Variants in EHBP1 observed in about 807,000 individuals in gnomAD.
The protein encoded by EHBP1 is EH domain binding protein 1.
In EHBP1, 55 loss-of-function variants were observed where a neutral mutation model predicts 144.0. That is an observed-to-expected ratio of 0.38 (90% CI 0.31 to 0.48). EHBP1 has a LOEUF of 0.48. Ranked by LOEUF, EHBP1 falls within the 20% of genes least tolerant of loss-of-function variation. The pLI is 0.98. For missense variants in EHBP1, 1,200 were observed against 1,364.2 expected (o/e 0.88, Z 1.90); for synonymous variants, 469 against 472.7 (o/e 0.99, Z 0.10).
intron 10 of EHBP1, among the ~76,000 whole-genome samples, chr2:62,890,848 A>C (rs867528607): frequency 9.9e-5 from 15 of 152,242 alleles, no homozygotes; most frequent in African/African-American, 3.4e-4. Context: ...GTCTGCCTAT[A>C]GTGTAATTAA....
intron 5 of EHBP1, among the ~76,000 whole-genome samples, chr2:62,811,357 G>C (rs1439169579): frequency 6.6e-6 from 1 of 152,226 alleles, no homozygotes; most frequent in Non-Finnish European, 1.5e-5. Context: ...ATGAAGCAGA[G>C]ATGTTTTCAG....
chr2:62,795,352 A>G (rs1016927922), intron 5 of EHBP1, among the ~76,000 whole-genome samples: 1 of 152,040 alleles, frequency 6.6e-6, no homozygotes, highest in African/African-American at 2.4e-5. Flanking sequence ...TAATAATATG[A>G]TTGTACTATA....
At chr2:62,889,504 T>C (rs2052257356) in intron 10 of EHBP1, among the ~76,000 whole-genome samples, 1 of 152,176 alleles carries the variant, frequency 6.6e-6, no homozygotes, top group Non-Finnish European at 1.5e-5. Context: ...ATTGCCTAGG[T>C]TCTTTTCCAG....
At chr2:62,719,162 T>A (rs1024888319) in intron 2 of EHBP1, among the ~76,000 whole-genome samples, 1 of 152,056 alleles carries the variant, frequency 6.6e-6, no homozygotes, top group Non-Finnish European at 1.5e-5. Context: ...AGGCAAAGTT[T>A]TGCCATGTTG....
At chr2:62,838,971 A>T (rs1200271452) in intron 7 of EHBP1, among the ~76,000 whole-genome samples, 165 of 141,738 alleles carry the variant, frequency 1.2e-3, no homozygotes, top group Middle Eastern at 0.01. Flanking sequence ...AAAAGAGGGA[A>T]TCCTCCCTAA....
At chr2:62,899,466 G>A (rs976779495) in intron 10 of EHBP1, among the ~76,000 whole-genome samples, 6 of 152,130 alleles carry the variant, frequency 3.9e-5, no homozygotes, top group Admixed American at 6.5e-5. Flanking sequence ...ATTCAGTTTT[G>A]CAGTTTATAG....
rs191814948 is a variant in EHBP1, at chr2:62,924,626, G to T, written c.1186-18092G>T. ...CCTAGAGGAAATGGATAAATTCCTG[G>T]ACACATATCTACCAAGATCAAACCA... On this transcript the variant is annotated intron_variant, in intron 10 of 22. Transcript: ENST00000431489. Among the ~76,000 whole-genome samples the T allele has an allele frequency of 3.3e-5, 5 of 152,212 alleles. No individual in the cohort carries two copies. The East Asian group carries it at 9.6e-4, about 29-fold the overall frequency.
rs544316289 is a variant in EHBP1, at chr2:62,942,958, A to G, written c.1364+62A>G. 3.4e-5 allele frequency: 42 copies of G among 1,245,408 alleles called. No homozygotes were observed. In the African/African-American group the frequency reaches 4.4e-4, roughly 13 times the overall value. The allele number at this position is 1,245,408 out of a possible 1,614,324, so 77.1% of individuals were successfully genotyped here. A position where few individuals can be genotyped will look rare whatever the true frequency, so the allele number is the denominator to read the frequency against. ...AGTGATAGACATTTTTGAAAAGAAC[A>G]TAAAATAATTTCTTAGCACATCCTG... is the stretch of plus-strand genomic sequence containing the variant. On this transcript the variant is annotated intron_variant, in intron 11 of 22. Transcript: ENST00000431489.
intron 10 of EHBP1, among the ~76,000 whole-genome samples, chr2:62,923,739 C>A (rs1456502730): frequency 6.6e-6 from 1 of 152,188 alleles, no homozygotes; most frequent in Non-Finnish European, 1.5e-5. Flanking sequence ...AAGAAACACT[C>A]CGAGGCCTAA....
intron 10 of EHBP1, among the ~76,000 whole-genome samples, chr2:62,891,257 A>C: frequency 6.6e-6 from 1 of 152,268 alleles, no homozygotes; most frequent in African/African-American, 2.4e-5. Flanking sequence ...CTGTAAATTC[A>C]CTGAAAAGTT....
At position 62,931,392 on chromosome 2, in the gene EHBP1, T is replaced by C. The variant is rs150622422; in HGVS notation, c.1186-11326T>C. On this transcript the variant is annotated intron_variant, in intron 10 of 22. Coordinates refer to ENST00000431489, the MANE Select transcript of EHBP1 (RefSeq NM_001142616.3). ...AAGAAAAATCAGAAAATAACAAGTA[T>C]TGGTGAGGATGTAGAAGAATTAGTA... is the stretch of plus-strand genomic sequence containing the variant. 3.1e-4 allele frequency among the ~76,000 whole-genome samples: 47 copies of C among 152,282 alleles called. No individual in the cohort carries two copies. In the East Asian group the frequency reaches 8.1e-3, roughly 26 times the overall value.
intron 12 of EHBP1, 73 bp from the exon 13 acceptor site, chr2:62,948,184 TAAA>T (rs1364129337): frequency 5.2e-6 from 7 of 1,350,176 alleles, no homozygotes; most frequent in Non-Finnish European, 5.9e-6. Flanking sequence ...CAACAAAAAT[TAAA>T]AATGTGCTCT....
intron 3 of EHBP1, among the ~76,000 whole-genome samples, chr2:62,748,241 G>C (rs2039338939): frequency 6.6e-6 from 1 of 152,048 alleles, no homozygotes; most frequent in African/African-American, 2.4e-5. Context: ...CTGTTGCTGG[G>C]GTGCAGAAGA....
chr2:62,901,895 G>A (rs2053444075), intron 10 of EHBP1, among the ~76,000 whole-genome samples: 1 of 151,670 alleles, frequency 6.6e-6, no homozygotes, highest in African/African-American at 2.4e-5. Flanking sequence ...AGCCCAGGAG[G>A]TTGAGGCTGC....
intron 5 of EHBP1, among the ~76,000 whole-genome samples, chr2:62,796,552 T>C (rs2043549277): frequency 6.6e-6 from 1 of 152,232 alleles, no homozygotes. Context: ...TACTGTGTCT[T>C]AATTCTTTCC....
At chr2:62,886,003 A>T (rs570363627) in intron 10 of EHBP1, among the ~76,000 whole-genome samples, 2 of 152,334 alleles carry the variant, frequency 1.3e-5, no homozygotes, top group African/African-American at 4.8e-5. Context: ...ATGTTTTCAG[A>T]CTTGAGTAGA....
At chr2:62,760,045 A>G (rs2040642040) in intron 3 of EHBP1, among the ~76,000 whole-genome samples, 1 of 152,162 alleles carries the variant, frequency 6.6e-6, no homozygotes, top group Non-Finnish European at 1.5e-5. Flanking sequence ...ATCTGCACAT[A>G]AAGTCCTGAA....
chr2:62,993,418 C>A, intron 16 of EHBP1, 112 bp from the exon 17 acceptor site: 1 of 1,017,840 alleles, frequency 9.8e-7, no homozygotes, highest in Non-Finnish European at 1.3e-6. Flanking sequence ...CCTTTTCTTG[C>A]AAAAAGTTTC....
At chr2:62,695,632 G>A (rs566679435) in intron 1 of EHBP1, among the ~76,000 whole-genome samples, 16 of 152,308 alleles carry the variant, frequency 1.1e-4, no homozygotes, top group South Asian at 2.1e-4. Flanking sequence ...TAGATAGCGA[G>A]AGAACATTTT....
Sources: gnomAD v4.1 joint callset for allele counts (sites outside exome capture counted in the v4.1 genomes callset) on GRCh38, gnomAD v4.1.1 for gene constraint, MANE v1.5 for transcripts, NCBI Gene and HGNC (gene_info 2026-07-23, HGNC 2026-07-21) for gene names.